The following TUT4 variants were observed in gnomAD, a reference collection of about 807,000 sequenced individuals.
The protein encoded by TUT4 is terminal uridylyl transferase 4.
In TUT4, 36 loss-of-function variants were observed where a neutral mutation model predicts 192.2. The ratio of observed to expected loss-of-function variants is 0.19; its 90% CI spans 0.14 to 0.25. The LOEUF (loss-of-function observed/expected upper bound fraction) is 0.25. Ranked by LOEUF, TUT4 falls within the 10% of genes least tolerant of loss-of-function variation. The pLI is 1.00. For missense variants in TUT4, 1,493 were observed against 1,957.2 expected (o/e 0.76, Z 4.47); for synonymous variants, 618 against 666.0 (o/e 0.93, Z 1.11).
intron 1 of TUT4, among the ~76,000 whole-genome samples, chr1:52,539,469 A>C (rs985069283): frequency 2.0e-5 from 3 of 152,186 alleles, no homozygotes; most frequent in African/African-American, 7.2e-5. Flanking sequence ...GTAGGTAGTA[A>C]ACTATGGATA....
At position 52,458,332 on chromosome 1, in the gene TUT4, C is replaced by G. The variant is rs1341969196; in HGVS notation, c.3435+4G>C. 6.2e-7 allele frequency: 1 copy of G among 1,609,634 alleles called. No individual in the cohort carries two copies. The highest frequency in any genetic ancestry group is 1.3e-5 in the African/African-American group (1 of 74,722). On this transcript the variant is annotated splice_donor_region_variant and intron_variant, in intron 20 of 29. Coordinates refer to ENST00000257177, the MANE Select transcript of TUT4 (RefSeq NM_001009881.3). ...ACTCCTTTATAGTTTTCTTAAACACCTACCTCTTGTAGAACTGGGATAACA... is the reference window on the plus strand; with the variant it reads ...ACTCCTTTATAGTTTTCTTAAACACGTACCTCTTGTAGAACTGGGATAACA...
In TUT4 at chr1:52,425,357, T is replaced by C. The variant is rs1000048446; in HGVS notation, c.4862A>G (p.Tyr1621Cys). The change falls in exon 29 of 30, where the codon TAT becomes TGT. Residue 1621 changes from tyrosine (Y) to cysteine (C), a missense_variant. Around this residue, in one of 7 missense-constraint regions of TUT4, gnomAD observed 351 missense variants for 397.8 expected, o/e 0.88. Transcript: ENST00000257177. The stretch of plus-strand genomic sequence containing the variant: ...TTTGTAAGCAGTGGTACCTTGAGTA[T>C]AGAAAGGTTTGTTGGGCTGGAATCG... ...NARFQPNKPF[Y>C]TQDRCATRRC... 2.5e-6 allele frequency: 4 copies of C among 1,613,758 alleles called. No individual in the cohort carries two copies. The highest frequency in any genetic ancestry group is 2.2e-5 in the East Asian group (1 of 44,862).
intron 27 of TUT4, chr1:52,434,767 G>A (rs1360465920): frequency 6.6e-6 from 1 of 152,038 alleles, no homozygotes; most frequent in Non-Finnish European, 1.5e-5. Context: ...CAGGGGTGTG[G>A]ATTGTAGGGT....
At chr1:52,534,106 A>T (rs987206206) in intron 1 of TUT4, among the ~76,000 whole-genome samples, 13 of 152,160 alleles carry the variant, frequency 8.5e-5, no homozygotes, top group African/African-American at 2.9e-4. Flanking sequence ...TTGCCTAAGG[A>T]GAAGAGGTAA....
chr1:52,468,391 G>A, intron 14 of TUT4, 124 bp from the exon 15 acceptor site: 4 of 696,300 alleles, frequency 5.7e-6, no homozygotes, highest in Non-Finnish European at 9.1e-6. Flanking sequence ...TGACTTCTCT[G>A]ACTTTAAAAC....
intron 20 of TUT4, among the ~76,000 whole-genome samples, chr1:52,450,396 A>G (rs1222739165): frequency 6.6e-6 from 1 of 152,220 alleles, no homozygotes; most frequent in Non-Finnish European, 1.5e-5. Flanking sequence ...AAACCTCATT[A>G]TGATAGGAAA....
chr1:52,448,345 T>C (rs1481824292), intron 20 of TUT4, among the ~76,000 whole-genome samples: 1 of 152,290 alleles, frequency 6.6e-6, no homozygotes, highest in Non-Finnish European at 1.5e-5. Flanking sequence ...CCCAGCACTT[T>C]GGGAGGCCGA....
At chr1:52,520,437 G>C (rs900052342) in intron 2 of TUT4, among the ~76,000 whole-genome samples, 38 of 152,286 alleles carry the variant, frequency 2.5e-4, no homozygotes, top group African/African-American at 9.1e-4. Flanking sequence ...GCATTATCTT[G>C]ACCAGCAGCA....
chr1:52,473,782 A>G (rs1351941135), intron 13 of TUT4, among the ~76,000 whole-genome samples: 1 of 152,122 alleles, frequency 6.6e-6, no homozygotes, highest in African/African-American at 2.4e-5. Flanking sequence ...TGATATTGCA[A>G]TTATCTGGAA....
At chr1:52,452,872 C>T (rs1659837591) in intron 20 of TUT4, among the ~76,000 whole-genome samples, 1 of 152,154 alleles carries the variant, frequency 6.6e-6, no homozygotes, top group Non-Finnish European at 1.5e-5. Context: ...TCTGGAGGGC[C>T]TAGACTTGCA....
intron 26 of TUT4, among the ~76,000 whole-genome samples, chr1:52,435,715 T>C (rs1294534358): frequency 2.0e-5 from 3 of 152,198 alleles, no homozygotes; most frequent in East Asian, 3.8e-4. Context: ...ACAAATGTTA[T>C]TCTGCTTTTC....
intron 24 of TUT4, among the ~76,000 whole-genome samples, chr1:52,440,089 A>G (rs1655051331): frequency 6.6e-6 from 1 of 152,232 alleles, no homozygotes; most frequent in Non-Finnish European, 1.5e-5. Flanking sequence ...AGAGACAAAA[A>G]GTGGATTAGT....
chr1:52,471,120 G>T (rs764813358), intron 14 of TUT4, among the ~76,000 whole-genome samples: 1 of 147,922 alleles, frequency 6.8e-6, no homozygotes, highest in Non-Finnish European at 1.5e-5. Flanking sequence ...AGGTCCAAGC[G>T]ATTCTCCTGC....
At chr1:52,451,240 T>C (rs1462147088) in intron 20 of TUT4, among the ~76,000 whole-genome samples, 1 of 150,384 alleles carries the variant, frequency 6.6e-6, no homozygotes, top group Non-Finnish European at 1.5e-5. Flanking sequence ...CACTCCAGCC[T>C]GGGTGACAGA....
At chr1:52,481,704 C>CA in intron 10 of TUT4, 69 bp from the exon 11 acceptor site, 1 of 1,524,156 alleles carries the variant, frequency 6.6e-7, no homozygotes, top group Non-Finnish European at 8.8e-7. Context: ...GATGGACAAA[C>CA]AGACAAACCA....
At chr1:52,466,591 T>C (rs1250545535) in intron 15 of TUT4, among the ~76,000 whole-genome samples, 5 of 147,546 alleles carry the variant, frequency 3.4e-5, no homozygotes, top group African/African-American at 1.3e-4. Flanking sequence ...TGAACCCTGA[T>C]CACATGATTG....
At chr1:52,511,997 T>G (rs1677296713) in intron 3 of TUT4, among the ~76,000 whole-genome samples, 1 of 152,068 alleles carries the variant, frequency 6.6e-6, no homozygotes, top group Non-Finnish European at 1.5e-5. Context: ...CTTTCAGGAG[T>G]TGAAAGCATA....
chr1:52,509,458 A>G, intron 4 of TUT4, 138 bp downstream of exon 4: 1 of 617,994 alleles, frequency 1.6e-6, no homozygotes, highest in Non-Finnish European at 2.8e-6. Context: ...GAAGGCAACA[A>G]TTGCTTCCAA....
chr1:52,543,599 T>C (rs1441334789), intron 1 of TUT4, among the ~76,000 whole-genome samples: 1 of 151,274 alleles, frequency 6.6e-6, no homozygotes, highest in Non-Finnish European at 1.5e-5. Flanking sequence ...TTCTCCTGCC[T>C]CAGCCTCCTG....
Sources: gnomAD v4.1 joint callset for allele counts (sites outside exome capture counted in the v4.1 genomes callset) on GRCh38, gnomAD v4.1.1 for gene constraint, gnomAD v4.1.1 regional missense constraint, MANE v1.5 for transcripts, NCBI Gene and HGNC (gene_info 2026-07-23, HGNC 2026-07-21) for gene names.